UBE2D2: variants seen among roughly 807,000 people sequenced by gnomAD.
UBE2D2 encodes the protein ubiquitin conjugating enzyme E2 D2.
In UBE2D2, 2 loss-of-function variants were observed where a neutral mutation model predicts 24.2. That is an observed-to-expected ratio of 0.08 (90% CI 0.03 to 0.26). The LOEUF is 0.26. UBE2D2 is among the 10% of genes least tolerant of loss of function. The pLI, the probability that UBE2D2 is intolerant of heterozygous loss-of-function variation, is 1.00. For synonymous variants in UBE2D2, 58 were observed against 56.5 expected (o/e 1.03, Z -0.12); for missense variants, 44 against 177.6 (o/e 0.25, Z 4.28).
At chr5:139,547,568 G>A (rs1752850047) in intron 1 of UBE2D2, among the ~76,000 whole-genome samples, 1 of 151,734 alleles carries the variant, frequency 6.6e-6, no homozygotes, top group Non-Finnish European at 1.5e-5. Context: ...GGAGTGCAGT[G>A]ACATGATCTC....
chr5:139,560,125 C>T (rs1446057219), upstream of UBE2D2, among the ~76,000 whole-genome samples: 4 of 151,604 alleles, frequency 2.6e-5, no homozygotes, highest in African/African-American at 7.3e-5. Flanking sequence ...CCTCTGCCTC[C>T]TGGGTTCCAG....
chr5:139,598,329 T>G (rs1002348284), intron 1 of UBE2D2, among the ~76,000 whole-genome samples: 4 of 152,188 alleles, frequency 2.6e-5, no homozygotes, highest in Non-Finnish European at 5.9e-5. Context: ...CTTGTAGTTT[T>G]AAAGTATAAT....
chr5:139,541,115 T>G (rs1219095404), intron 1 of UBE2D2, among the ~76,000 whole-genome samples: 1 of 148,732 alleles, frequency 6.7e-6, no homozygotes, highest in Non-Finnish European at 1.5e-5. Context: ...CTGGCCAACA[T>G]GGTGAAACAC....
At chr5:139,605,476 CA>C (rs1430814738) in intron 2 of UBE2D2, among the ~76,000 whole-genome samples, 1 of 150,790 alleles carries the variant, frequency 6.6e-6, no homozygotes, top group Non-Finnish European at 1.5e-5. Context: ...CCTGTAGTCC[CA>C]GCTATTCAGG....
intron 1 of UBE2D2, among the ~76,000 whole-genome samples, chr5:139,577,844 C>T (rs1212158550): frequency 1.3e-5 from 2 of 152,166 alleles, no homozygotes; most frequent in African/African-American, 4.8e-5. Flanking sequence ...CTTCGTACTG[C>T]GGTACATGTG....
chr5:139,566,336 A>G (rs1753216660), intron 1 of UBE2D2, among the ~76,000 whole-genome samples: 1 of 151,132 alleles, frequency 6.6e-6, no homozygotes, highest in African/African-American at 2.4e-5. Flanking sequence ...AGCTTCTTTT[A>G]AGGCGTCTCA....
chr5:139,586,047 G>T (rs1442655155), intron 1 of UBE2D2, among the ~76,000 whole-genome samples: 1 of 151,284 alleles, frequency 6.6e-6, no homozygotes, highest in Non-Finnish European at 1.5e-5. Flanking sequence ...AGGAAAAGGA[G>T]GCCCATAGAG....
rs1754652968 is a variant in UBE2D2 at position 139,627,275 on chromosome 5, T to C, written c.*474T>C. Reference sequence around the variant, plus strand: ...TGTATTCATTTTATTCCGAAGGAGCTACGTCTTAGGTGAAAGTTATGACCA... The same window carrying C: ...TGTATTCATTTTATTCCGAAGGAGCCACGTCTTAGGTGAAAGTTATGACCA... On this transcript the variant is annotated 3_prime_UTR_variant, in exon 7 of 7. Transcript: ENST00000398733. 6.5e-6 allele frequency: 1 copy of C among 154,862 alleles called. No individual in the cohort carries two copies. 9.6% of individuals were successfully genotyped at this position (154,862 alleles called of 1,614,324 possible).
chr5:139,531,254 A>G (rs1449325462), intron 1 of UBE2D2, among the ~76,000 whole-genome samples: 1 of 152,226 alleles, frequency 6.6e-6, no homozygotes, highest in African/African-American at 2.4e-5. Context: ...AAATCAACCC[A>G]TAACTTAGAA....
intron 1 of UBE2D2, among the ~76,000 whole-genome samples, chr5:139,579,549 C>G (rs1484731974): frequency 1.3e-5 from 2 of 152,038 alleles, no homozygotes; most frequent in African/African-American, 4.8e-5. Flanking sequence ...CTTGGCCTCC[C>G]AAAGTGCTGG....
intron 1 of UBE2D2, among the ~76,000 whole-genome samples, chr5:139,574,117 G>A (rs1253431460): frequency 1.5e-5 from 2 of 133,062 alleles, no homozygotes; most frequent in South Asian, 4.7e-4. Flanking sequence ...TTTCGTTCTT[G>A]TTGCCCAGGC....
chr5:139,623,664 G>T, intron 6 of UBE2D2: 1 of 428,446 alleles, frequency 2.3e-6, no homozygotes, highest in Non-Finnish European at 4.2e-6. Flanking sequence ...TGTTTCACGT[G>T]ACTCCTCTTG....
intron 1 of UBE2D2, among the ~76,000 whole-genome samples, chr5:139,542,645 A>C (rs554669740): frequency 6.6e-6 from 1 of 152,080 alleles, no homozygotes; most frequent in Non-Finnish European, 1.5e-5. Flanking sequence ...TTTGACAAAT[A>C]AAAGTTCTTT....
At chr5:139,564,095 T>C (rs763720889) in intron 1 of UBE2D2, among the ~76,000 whole-genome samples, 10 of 152,202 alleles carry the variant, frequency 6.6e-5, no homozygotes, top group Non-Finnish European at 1.3e-4. Context: ...TTTTCTAGAA[T>C]AGATTTTCCT....
intron 1 of UBE2D2, chr5:139,600,119 T>C (rs1754042115): frequency 1.9e-6 from 1 of 519,688 alleles, no homozygotes; most frequent in Non-Finnish European, 3.6e-6. Flanking sequence ...ACACATGTTT[T>C]ACCTTCCTGA....
chr5:139,597,218 T>C (rs1753980667), intron 1 of UBE2D2, among the ~76,000 whole-genome samples: 3 of 152,330 alleles, frequency 2.0e-5, no homozygotes, highest in Middle Eastern at 3.4e-3. Context: ...TTTATAGTTA[T>C]TCCCCCCTCC....
At chr5:139,610,725 T>C (rs760181175) in intron 2 of UBE2D2, among the ~76,000 whole-genome samples, 5 of 151,668 alleles carry the variant, frequency 3.3e-5, no homozygotes, top group Admixed American at 6.6e-5. Flanking sequence ...ATAGAAAAAT[T>C]AGCTGGGTAT....
upstream of UBE2D2, among the ~76,000 whole-genome samples, chr5:139,557,120 A>G (rs1752990547): frequency 6.7e-6 from 1 of 149,908 alleles, no homozygotes; most frequent in Non-Finnish European, 1.5e-5. Context: ...GGTATGAGTC[A>G]CTGTGCCCAG....
At chr5:139,626,604 T>A in intron 6 of UBE2D2, 152 bp from the exon 7 acceptor site, 1 of 661,820 alleles carries the variant, frequency 1.5e-6, no homozygotes. Flanking sequence ...ATCATTGAAT[T>A]AATCCTTATC....
Sources: allele counts gnomAD v4.1 joint callset (sites outside exome capture counted in the v4.1 genomes callset), GRCh38; gene constraint gnomAD v4.1.1; transcripts MANE v1.5; gene names NCBI Gene and HGNC (gene_info 2026-07-23, HGNC 2026-07-21).